SLC3A1: variants seen among roughly 807,000 people sequenced by gnomAD.
The protein encoded by SLC3A1 is solute carrier family 3 member 1.
SLC3A1 carries 78 observed loss-of-function variants against 60.3 expected under a neutral mutation model. The ratio of observed to expected loss-of-function variants is 1.29; its 90% CI spans 1.08 to 1.56. SLC3A1 has a LOEUF of 1.56. Ranked by LOEUF, SLC3A1 falls within the 40% of genes most tolerant of loss-of-function variation. The probability of loss-of-function intolerance (pLI) is 0.00; values close to 1 mark genes in which losing one functional copy is unlikely to be tolerated. For missense variants in SLC3A1, 1,172 were observed against 858.9 expected (o/e 1.36, Z -4.56); for synonymous variants, 392 against 307.9 (o/e 1.27, Z -2.86).
At chr2:44,302,876 A>G (rs976408071) in intron 6 of SLC3A1, among the ~76,000 whole-genome samples, 1 of 152,098 alleles carries the variant, frequency 6.6e-6, no homozygotes, top group African/African-American at 2.4e-5. Flanking sequence ...ATTCTAGGAG[A>G]TTATTTCTCC....
At chr2:44,311,847 A>C (rs938519871) in intron 7 of SLC3A1, among the ~76,000 whole-genome samples, 3 of 152,106 alleles carry the variant, frequency 2.0e-5, no homozygotes, top group Non-Finnish European at 4.4e-5. Context: ...AATTTCTCAG[A>C]GCTTGTTTCC....
At position 44,301,012 on chromosome 2, in the gene SLC3A1, A is replaced by G. The variant is rs200287661; in HGVS notation, c.1021A>G (p.Thr341Ala). Residue 341 changes from threonine (T) to alanine (A), a missense_variant, in exon 6 of 10, where the codon ACA becomes GCA. Transcript: ENST00000260649. ...VNKTQIPDTV[T>A]QYSELYHDFT... ...GTCCTGGTTTTCAAAGGACACGGTC[A>G]CACAATACTCGGAGCTGTACCATGA... 8.1e-6 allele frequency: 13 copies of G among 1,614,034 alleles called. No individual in the cohort carries two copies. Among genetic ancestry groups the G allele is most frequent in the Non-Finnish European group, 1.0e-5 (12 of 1,180,042 alleles).
At chr2:44,308,990 C>T (rs371700193) in intron 7 of SLC3A1, among the ~76,000 whole-genome samples, 4 of 152,250 alleles carry the variant, frequency 2.6e-5, no homozygotes, top group African/African-American at 9.6e-5. Flanking sequence ...CCTCAGCCTC[C>T]CAAAGTGCTG....
chr2:44,309,660 T>G (rs1672245227), intron 7 of SLC3A1, among the ~76,000 whole-genome samples: 1 of 152,114 alleles, frequency 6.6e-6, no homozygotes, highest in Admixed American at 6.5e-5. Context: ...AGTGCAGTGG[T>G]ATGATCTCGG....
rs1672095493 is a variant in SLC3A1 at position 44,304,272 on chromosome 2, C to T, written c.1266C>T (p.Asn422=). ...GCATGCTAGACACTGTTTCTGGGAA[C>T]AGCGTGTATGAGGTTATCACATCCT... ...YLSMLDTVSG[N]SVYEVITSWM... is the part of the protein sequence containing the mutation. The change falls in exon 7 of 10, where the codon AAC becomes AAT. Residue 422 remains asparagine, a synonymous_variant. Transcript: ENST00000260649. 1.9e-6 allele frequency: 3 copies of T among 1,614,030 alleles called. No homozygotes were observed. The highest frequency in any genetic ancestry group is 1.3e-5 in the African/African-American group (1 of 74,930).
intron 9 of SLC3A1, among the ~76,000 whole-genome samples, chr2:44,317,215 C>A (rs1319153321): frequency 1.3e-5 from 2 of 152,274 alleles, no homozygotes; most frequent in East Asian, 3.9e-4. Context: ...ATAATCCCAG[C>A]ACTTTGGGAG....
Position 44,314,592 on chromosome 2 carries a change from C to CCACA in SLC3A1, c.1617+655_1617+658dup, listed in dbSNP as rs3074477. On this transcript the variant is annotated intron_variant, in intron 9 of 9. Coordinates refer to ENST00000260649, the MANE Select transcript of SLC3A1 (RefSeq NM_000341.4). ...GTTAAGAAATGCATAGCACCCTCTG[C>CCACA]CACACACACACACACACCATGCCCA... 5.5e-3 allele frequency: 856 copies of CCACA among 155,028 alleles called. 10 individuals carry two copies. Among genetic ancestry groups the CCACA allele is most frequent in the African/African-American group, 0.017 (704 of 41,274 alleles). 9.6% of individuals were successfully genotyped at this position (155,028 alleles called of 1,614,324 possible).
Position 44,308,001 on chromosome 2 carries a change from G to A in SLC3A1, c.1332+3663G>A, listed in dbSNP as rs939687775. 2.6e-5 allele frequency among the ~76,000 whole-genome samples: 4 copies of A among 152,222 alleles called. No individual in the cohort carries two copies. In the East Asian group the frequency reaches 5.8e-4, roughly 22 times the overall value. On this transcript the variant is annotated intron_variant, in intron 7 of 9. Coordinates refer to ENST00000260649, the MANE Select transcript of SLC3A1 (RefSeq NM_000341.4). Reference sequence around the variant, plus strand: ...AAAATCAACTGATTGTAGGCTGGGCGTGGTGGCTCACATCTGAAATCCCAG... The same window carrying A: ...AAAATCAACTGATTGTAGGCTGGGCATGGTGGCTCACATCTGAAATCCCAG...
At chr2:44,308,326 G>A (rs891634801) in intron 7 of SLC3A1, among the ~76,000 whole-genome samples, 1 of 152,086 alleles carries the variant, frequency 6.6e-6, no homozygotes, top group Non-Finnish European at 1.5e-5. Context: ...TAGCTGTTCT[G>A]GGTACCTTAT....
At chr2:44,322,307 G>A (rs925807316), downstream of SLC3A1, among the ~76,000 whole-genome samples, 3 of 152,178 alleles carry the variant, frequency 2.0e-5, no homozygotes, top group African/African-American at 7.2e-5. Flanking sequence ...ATCTCATAAA[G>A]CTGAAACAGC....
intron 4 of SLC3A1, 86 bp downstream of exon 4, chr2:44,286,243 T>C: frequency 7.7e-7 from 1 of 1,306,262 alleles, no homozygotes; most frequent in Admixed American, 1.7e-5. Context: ...AGTAATTGTG[T>C]AGGCAAAATC....
Position 44,321,325 on chromosome 2 carries a change from G to C in SLC3A1, c.*686G>C, listed in dbSNP as rs368025935. On this transcript the variant is annotated 3_prime_UTR_variant, in exon 10 of 10. Transcript: ENST00000260649. ...AAGTAAGACTATGAAATATTTCAGT[G>C]TGTTTCCAATTCCCAGTTGAATGCA... The C allele has an allele frequency of 1.1e-4, 169 of 1,507,152 alleles. No individual in the cohort carries two copies. The African/African-American group carries it at 2.2e-3, about 20-fold the overall frequency. The allele number at this position is 1,507,152 out of a possible 1,614,324, so 93.4% of individuals were successfully genotyped here.
rs747035900 is a variant in SLC3A1 at position 44,286,044 on chromosome 2, GGAAACTCCAGTTGGCACTTTGAC to G, written c.782_804del (p.Asn261SerfsTer16). 1.4e-5 allele frequency: 22 copies of G among 1,614,114 alleles called. No homozygotes were observed. Among genetic ancestry groups the G allele is most frequent in the Non-Finnish European group, 1.9e-5 (22 of 1,180,008 alleles). ...CTTTGTTTGCCAGTTAAGTGTGTAT[GGAAACTCCAGTTGGCACTTTGAC>G]GAAGTGCGAAACCAATGTTATTTTC... On this transcript the variant is annotated frameshift_variant, in exon 4 of 10. Coordinates refer to ENST00000260649, the MANE Select transcript of SLC3A1 (RefSeq NM_000341.4). LOFTEE classifies it high-confidence loss of function.
chr2:44,309,425 T>C (rs1178338753), intron 7 of SLC3A1, among the ~76,000 whole-genome samples: 3 of 152,250 alleles, frequency 2.0e-5, no homozygotes, highest in Non-Finnish European at 4.4e-5. Flanking sequence ...TAACATTCCA[T>C]GGTACCTATG....
intron 4 of SLC3A1, among the ~76,000 whole-genome samples, chr2:44,289,837 G>T (rs1395842545): frequency 6.6e-6 from 1 of 151,884 alleles, no homozygotes; most frequent in East Asian, 1.9e-4. Flanking sequence ...TATCATGTTG[G>T]CTAGGCTGGT....
At chr2:44,296,413 T>C (rs1164895951) in intron 4 of SLC3A1, among the ~76,000 whole-genome samples, 2 of 152,210 alleles carry the variant, frequency 1.3e-5, no homozygotes, top group Middle Eastern at 3.2e-3. Flanking sequence ...CAAATACTTA[T>C]TGAATGAATG....
intron 1 of SLC3A1, among the ~76,000 whole-genome samples, chr2:44,278,721 A>G (rs770907949): frequency 2.6e-5 from 4 of 152,042 alleles, no homozygotes; most frequent in African/African-American, 9.7e-5. Context: ...TCATTATCCT[A>G]CAAAGTTCTA....
chr2:44,297,097 C>T (rs919147042), intron 4 of SLC3A1, among the ~76,000 whole-genome samples: 2 of 152,170 alleles, frequency 1.3e-5, no homozygotes, highest in South Asian at 2.1e-4. Context: ...GGATAGTTGT[C>T]ATTTGGGATC....
chr2:44,280,487 C>G (rs907196914), intron 1 of SLC3A1, among the ~76,000 whole-genome samples: 6 of 152,172 alleles, frequency 3.9e-5, no homozygotes, highest in African/African-American at 1.4e-4. Flanking sequence ...ATCCTCCCAC[C>G]TTGGCCTCCC....
Sources: gnomAD v4.1 joint callset for allele counts (sites outside exome capture counted in the v4.1 genomes callset) on GRCh38, gnomAD v4.1.1 for gene constraint, MANE v1.5 for transcripts, NCBI Gene and HGNC (gene_info 2026-07-23, HGNC 2026-07-21) for gene names.